Variants in GUCY2F observed in about 807,000 individuals in gnomAD.
The protein encoded by GUCY2F is guanylate cyclase 2F, retinal, also known as retinal guanylyl cyclase 2.
A neutral mutation model predicts 73.1 loss-of-function variants in GUCY2F; 61 were observed. That is an observed-to-expected ratio of 0.83 (90% CI 0.68 to 1.03). The LOEUF (loss-of-function observed/expected upper bound fraction) is 1.03, where lower values mean the gene tolerates loss of function less well. Ranked by LOEUF, GUCY2F falls within the 50% of genes least tolerant of loss-of-function variation. The pLI, the probability that GUCY2F is intolerant of heterozygous loss-of-function variation, is 0.00. For missense variants in GUCY2F, 912 were observed against 854.3 expected (o/e 1.07, Z -0.84); for synonymous variants, 331 against 307.8 (o/e 1.08, Z -0.79).
intron 8 of GUCY2F, among the ~76,000 whole-genome samples, chrX:109,420,293 G>A (rs756191194): frequency 2.0e-5 from 2 of 101,578 alleles, no homozygotes; most frequent in South Asian, 4.7e-4. Context: ...AAGAGAGAGA[G>A]AGAGAAAAAG....
intron 16 of GUCY2F, among the ~76,000 whole-genome samples, chrX:109,382,982 C>G (rs1420764024): frequency 9.0e-6 from 1 of 111,585 alleles, no homozygotes; most frequent in Non-Finnish European, 1.9e-5. Context: ...GAGGTTGAGT[C>G]TTAAATAAAA....
intron 10 of GUCY2F, among the ~76,000 whole-genome samples, chrX:109,403,500 A>C (rs1304801422): frequency 2.7e-5 from 3 of 111,752 alleles, no homozygotes; most frequent in Non-Finnish European, 5.6e-5. Context: ...ACCTTCTATA[A>C]TCTTAATATC....
intron 3 of GUCY2F, among the ~76,000 whole-genome samples, chrX:109,461,783 G>A (rs1194193739): frequency 1.8e-5 from 2 of 112,169 alleles, no homozygotes; most frequent in Non-Finnish European, 3.8e-5. Context: ...TTTCTGGACT[G>A]GCTCTAACAT....
At chrX:109,399,399 G>A in intron 10 of GUCY2F, among the ~76,000 whole-genome samples, 1 of 112,160 alleles carries the variant, frequency 8.9e-6, no homozygotes, top group Non-Finnish European at 1.9e-5. Context: ...AAAGGGAAAT[G>A]AATCCATTAA....
intron 8 of GUCY2F, among the ~76,000 whole-genome samples, chrX:109,412,134 A>G (rs937664207): frequency 6.2e-5 from 7 of 112,042 alleles, no homozygotes; most frequent in African/African-American, 2.3e-4. Context: ...ATGTATATCT[A>G]TATCTATCTA....
chrX:109,379,323 T>C (rs1930246740), intron 17 of GUCY2F, among the ~76,000 whole-genome samples: 1 of 111,809 alleles, frequency 8.9e-6, no homozygotes, highest in Admixed American at 9.5e-5. Context: ...ATGGTGAATA[T>C]AGTTAATAAT....
chrX:109,428,469 C>A (rs1424037478), intron 8 of GUCY2F, among the ~76,000 whole-genome samples: 2 of 111,654 alleles, frequency 1.8e-5, no homozygotes, highest in Non-Finnish European at 1.9e-5. Flanking sequence ...GATCTGAATT[C>A]ATCAAAAATA....
At chrX:109,462,320 C>T (rs1366096889) in intron 3 of GUCY2F, among the ~76,000 whole-genome samples, 2 of 113,144 alleles carry the variant, frequency 1.8e-5, no homozygotes, top group Non-Finnish European at 3.7e-5. Context: ...TTCTGCTATA[C>T]TGGCTGCCTT....
At chrX:109,435,235 G>A (rs1189488517) in intron 7 of GUCY2F, among the ~76,000 whole-genome samples, 1 of 110,325 alleles carries the variant, frequency 9.1e-6, no homozygotes, top group African/African-American at 3.3e-5. Flanking sequence ...CCATTTTCAC[G>A]ATATTGATTC....
At chrX:109,412,745 C>A (rs1021443717) in intron 8 of GUCY2F, among the ~76,000 whole-genome samples, 2 of 112,213 alleles carry the variant, frequency 1.8e-5, no homozygotes, top group African/African-American at 6.5e-5. Context: ...GAATTCCAAG[C>A]AATGGAATAG....
intron 5 of GUCY2F, among the ~76,000 whole-genome samples, 200 bp from the exon 6 acceptor site, chrX:109,448,365 G>C (rs1932069450): frequency 9.0e-6 from 1 of 111,554 alleles, no homozygotes; most frequent in Admixed American, 9.6e-5. Context: ...CAGTTACAAA[G>C]ACCAAAAAAG....
At chrX:109,412,191 G>A (rs1931127201) in intron 8 of GUCY2F, among the ~76,000 whole-genome samples, 1 of 112,032 alleles carries the variant, frequency 8.9e-6, no homozygotes. Context: ...TACATGAACA[G>A]CAAAAGGCAG....
intron 6 of GUCY2F, among the ~76,000 whole-genome samples, chrX:109,446,144 A>G (rs188504465): frequency 8.9e-6 from 1 of 112,268 alleles, no homozygotes; most frequent in East Asian, 2.8e-4. Context: ...CAAATGGAAG[A>G]ACATTCCATG....
rs1644860827 is a variant in GUCY2F at position 109,472,039 on chromosome X, C to T, written c.730+3168G>A. Among the ~76,000 whole-genome samples the T allele has an allele frequency of 3.6e-5, 4 of 111,594 alleles. No homozygotes were observed. In the Admixed American group the frequency reaches 3.8e-4, roughly 11 times the overall value. On this transcript the variant is annotated intron_variant, in intron 2 of 19. Transcript: ENST00000218006. ...TTGCCTACTATTAAATCTATCATTG[C>T]ATTGATATTATGTAAGTGCAAATTA...
Position 109,398,588 on chromosome X carries a change from G to A in GUCY2F, c.2236C>T (p.Arg746Trp), listed in dbSNP as rs748353714. 2.7e-5 allele frequency: 32 copies of A among 1,206,974 alleles called. 1 individual carries two copies. The highest frequency in any genetic ancestry group is 6.6e-5 in the Admixed American group (3 of 45,739). ...TCCATCATGCAGAATGGGGTACCCCGGACCATCACTTCTTGCATGATGATG... is the reference window on the plus strand; with the variant it reads ...TCCATCATGCAGAATGGGGTACCCCAGACCATCACTTCTTGCATGATGATG... ...FAIIMQEVMV[R>W]GTPFCMMDLP... The change falls in exon 11 of 20, where the codon CGG becomes TGG. Residue 746 changes from arginine to tryptophan, a missense_variant. Physicochemically the swap from Arg to Trp is moderately radical, Grantham distance 101. Coordinates refer to ENST00000218006, the MANE Select transcript of GUCY2F (RefSeq NM_001522.3).
intron 14 of GUCY2F, 124 bp from the exon 15 acceptor site, chrX:109,388,787 G>A: frequency 2.2e-6 from 1 of 453,734 alleles, no homozygotes; most frequent in Non-Finnish European, 3.8e-6. Context: ...GAGAGGGACT[G>A]TCAATGATCC....
At chrX:109,385,401 A>T in intron 15 of GUCY2F, 119 bp from the exon 16 acceptor site, 1 of 402,796 alleles carries the variant, frequency 2.5e-6, no homozygotes. Context: ...GCCATCATAT[A>T]GCTCTGTGAA....
intron 3 of GUCY2F, among the ~76,000 whole-genome samples, chrX:109,461,112 G>A (rs1008493667): frequency 1.3e-4 from 14 of 111,575 alleles, no homozygotes; most frequent in African/African-American, 4.6e-4. Flanking sequence ...GTTTAAAGGA[G>A]AGTAAGGAAG....
rs770042021 is a variant in GUCY2F, at chrX:109,475,391, A to G, written c.546T>C (p.Tyr182=). The stretch of plus-strand genomic sequence containing the variant: ...TGACTCCAGCATGAGCCCACTGGAA[A>G]TATTTCATGACAGTTACAAGCACCC... ...PIRVLVTVMK[Y]FQWAHAGVIS... The change falls in exon 2 of 20, where the codon TAT becomes TAC. Residue 182 remains tyrosine (Y), a synonymous_variant. Transcript: ENST00000218006. 8.3e-7 allele frequency: 1 copy of G among 1,210,896 alleles called. No homozygotes were observed. Among genetic ancestry groups the G allele is most frequent in the Non-Finnish European group, 1.1e-6 (1 of 894,629 alleles).
Sources: allele counts gnomAD v4.1 joint callset (sites outside exome capture counted in the v4.1 genomes callset), GRCh38; gene constraint gnomAD v4.1.1; transcripts MANE v1.5; gene names NCBI Gene and HGNC (gene_info 2026-07-23, HGNC 2026-07-21).